The following SYNPO variants were observed in gnomAD, a reference collection of about 807,000 sequenced individuals.
SYNPO encodes synaptopodin.
In SYNPO, 19 loss-of-function variants were observed where a neutral mutation model predicts 49.5. The ratio of observed to expected loss-of-function variants is 0.38; its 90% CI spans 0.27 to 0.56. The LOEUF (loss-of-function observed/expected upper bound fraction) is 0.56. Ranked by LOEUF, SYNPO falls within the 20% of genes least tolerant of loss-of-function variation. The pLI is 0.68. For missense variants in SYNPO, 1,131 were observed against 1,248.3 expected (o/e 0.91, Z 1.42); for synonymous variants, 536 against 548.0 (o/e 0.98, Z 0.31).
exon 2 of SYNPO, chr5:150,618,106 G>GC: frequency 2.4e-6 from 1 of 419,530 alleles, no homozygotes. Flanking sequence ...CCGATAGATT[G>GC]CCCCAAAGCG....
upstream of SYNPO, among the ~76,000 whole-genome samples, chr5:150,598,448 G>C (rs1384196073): frequency 6.6e-6 from 1 of 152,180 alleles, no homozygotes; most frequent in South Asian, 2.1e-4. Context: ...CGGACAGGCT[G>C]GGGGGCTTTC....
chr5:150,613,787 C>G (rs1247614140), intron 1 of SYNPO, among the ~76,000 whole-genome samples: 2 of 152,180 alleles, frequency 1.3e-5, no homozygotes, highest in African/African-American at 4.8e-5. Context: ...TGTGATTTCC[C>G]CAGCCTGACT....
intron 2 of SYNPO, among the ~76,000 whole-genome samples, chr5:150,620,099 C>G (rs1038080020): frequency 6.6e-6 from 1 of 152,180 alleles, no homozygotes; most frequent in African/African-American, 2.4e-5. Flanking sequence ...TGGATGTTGC[C>G]GACTAGCCAA....
chr5:150,590,974 C>T, the SYNPO span, among the ~76,000 whole-genome samples: 1 of 152,152 alleles, frequency 6.6e-6, no homozygotes, highest in Non-Finnish European at 1.5e-5. Context: ...TTTTCTGCCC[C>T]CCTCCCAGCC....
chr5:150,624,718 C>A, intron 2 of SYNPO: 1 of 525,854 alleles, frequency 1.9e-6, no homozygotes, highest in Admixed American at 6.4e-5. Context: ...GGCTCCCAGC[C>A]CGGGGTCCCG....
chr5:150,615,272 A>G (rs780306720), intron 1 of SYNPO: 1 of 152,214 alleles, frequency 6.6e-6, no homozygotes, highest in African/African-American at 2.4e-5. Flanking sequence ...GCGTGAAGAC[A>G]ACGCCGGCCA....
At chr5:150,598,145 C>T (rs1756457368), upstream of SYNPO, among the ~76,000 whole-genome samples, 1 of 152,054 alleles carries the variant, frequency 6.6e-6, no homozygotes, top group African/African-American at 2.4e-5. Flanking sequence ...AAGCAGTGTC[C>T]CCCGCCCACA....
intron 2 of SYNPO, among the ~76,000 whole-genome samples, chr5:150,620,900 T>TCTTTCTTC (rs1757136358): frequency 3.2e-5 from 1 of 31,660 alleles, no homozygotes; most frequent in South Asian, 6.2e-4. Flanking sequence ...TCTTTTTTTC[T>TCTTTCTTC]CTTTCTTTCT....
the SYNPO span, among the ~76,000 whole-genome samples, chr5:150,588,502 G>A: frequency 2.0e-5 from 3 of 152,202 alleles, no homozygotes; most frequent in Non-Finnish European, 4.4e-5. Context: ...GTTGGGAAGG[G>A]AAGGACCTCT....
intron 2 of SYNPO, among the ~76,000 whole-genome samples, chr5:150,655,062 T>C (rs1758510320): frequency 6.6e-6 from 1 of 152,158 alleles, no homozygotes; most frequent in African/African-American, 2.4e-5. Flanking sequence ...GAGGCAGAAG[T>C]TGCGGTGAGC....
At position 150,656,742 on chromosome 5, in the gene SYNPO, A is replaced by ACCGCCC. The variant is rs769259449; in HGVS notation, c.2396_2401dup (p.Pro799_Pro800dup). Reference sequence around the variant, plus strand: ...GGCCCTTCTCCCCGCCGAGGGCGCCACCGCCCCCGCCCCCGCCCCCGCCCC... The same window carrying ACCGCCC: ...GGCCCTTCTCCCCGCCGAGGGCGCCACCGCCCCCGCCCCCGCCCCCGCCCCCGCCCC... On this transcript the variant is annotated inframe_insertion, in exon 3 of 3. Coordinates refer to ENST00000307662, the MANE Select transcript of SYNPO (RefSeq NM_007286.6). 7,277 of 1,097,772 alleles carry ACCGCCC rather than the reference A, an allele frequency of 6.6e-3. 99 individuals carry two copies. The highest frequency in any genetic ancestry group is 0.065 in the African/African-American group (3,364 of 51,862). The allele number at this position is 1,097,772 out of a possible 1,614,324, so 68.0% of individuals were successfully genotyped here.
chr5:150,635,614 A>G (rs1404595759), intron 2 of SYNPO, among the ~76,000 whole-genome samples: 1 of 152,148 alleles, frequency 6.6e-6, no homozygotes, highest in Non-Finnish European at 1.5e-5. Context: ...GATTACATGC[A>G]TGCGCTACTA....
At chr5:150,607,710 A>G (rs990275421) in intron 1 of SYNPO, among the ~76,000 whole-genome samples, 3 of 152,110 alleles carry the variant, frequency 2.0e-5, no homozygotes, top group African/African-American at 7.2e-5. Context: ...CAATGCCAGC[A>G]CTGTCCCCTG....
chr5:150,605,747 CACACACACACAT>C (rs1756673652), intron 1 of SYNPO, among the ~76,000 whole-genome samples: 1 of 134,690 alleles, frequency 7.4e-6, no homozygotes. Context: ...ACCCCCACCA[CACACACACACAT>C]ACACACACAC....
At chr5:150,594,361 G>A in the SYNPO span, among the ~76,000 whole-genome samples, 1 of 152,200 alleles carries the variant, frequency 6.6e-6, no homozygotes, top group Admixed American at 6.5e-5. Context: ...CAGGAGGCTG[G>A]AAGAGGGGAA....
Position 150,649,035 on chromosome 5 carries a change from A to C in SYNPO, c.760A>C (p.Met254Leu). ...CCAGGCGCCAGGGGGCACCAGCCAG[A>C]TGGAGAGGAGCCCCATGCTAGAGAG... ...GIQAPGGTSQMERSPMLERRH... is the reference protein window; with the variant it reads ...GIQAPGGTSQLERSPMLERRH... The change falls in exon 2 of 3, where the codon ATG (methionine) becomes CTG (leucine). Residue 254 changes from methionine to leucine, a missense_variant. Transcript: ENST00000307662. 6.2e-7 allele frequency: 1 copy of C among 1,614,214 alleles called. No homozygotes were observed. Among genetic ancestry groups the C allele is most frequent in the South Asian group, 1.1e-5 (1 of 91,084 alleles).
chr5:150,594,778 G>A, the SYNPO span, among the ~76,000 whole-genome samples: 5 of 152,186 alleles, frequency 3.3e-5, no homozygotes, highest in Admixed American at 1.3e-4. Context: ...TTTTTCGGAT[G>A]ATAAAACTGA....
At chr5:150,589,244 A>G in the SYNPO span, among the ~76,000 whole-genome samples, 1 of 151,926 alleles carries the variant, frequency 6.6e-6, no homozygotes, top group Non-Finnish European at 1.5e-5. Context: ...TTGTATTTTC[A>G]GTAGAGACGG....
chr5:150,634,384 G>A (rs538056727), intron 2 of SYNPO, among the ~76,000 whole-genome samples: 1 of 152,210 alleles, frequency 6.6e-6, no homozygotes, highest in African/African-American at 2.4e-5. Flanking sequence ...CTACTGTTCA[G>A]TTGCCTCCAA....
Sources: gnomAD v4.1 joint callset for allele counts (sites outside exome capture counted in the v4.1 genomes callset) on GRCh38, gnomAD v4.1.1 for gene constraint, MANE v1.5 for transcripts, NCBI Gene and HGNC (gene_info 2026-07-23, HGNC 2026-07-21) for gene names.